The following AIRIM variants were observed in gnomAD, a reference collection of about 807,000 sequenced individuals.
AIRIM encodes the protein AFG2-interacting ribosome maturation factor.
chr1:37,682,925 C>A, the AIRIM span: 2 of 600,418 alleles, frequency 3.3e-6, no homozygotes, highest in East Asian at 2.9e-5. Flanking sequence ...CACATACTCT[C>A]AGCCACGGCC....
the AIRIM span, chr1:37,691,012 G>A: frequency 1.3e-5 from 2 of 152,284 alleles, no homozygotes; most frequent in Non-Finnish European, 2.9e-5. Flanking sequence ...CCTGCAGGGG[G>A]AAAGCCTACA....
At chr1:37,687,905 G>A in the AIRIM span, among the ~76,000 whole-genome samples, 4 of 151,698 alleles carry the variant, frequency 2.6e-5, no homozygotes, top group African/African-American at 9.7e-5. Context: ...TCCTTTTCAT[G>A]GAGAATGGGA....
At chr1:37,686,178 G>C in the AIRIM span, 496 of 1,213,458 alleles carry the variant, frequency 4.1e-4, 2 homozygotes, top group East Asian at 0.012. Context: ...AAAGAGAACT[G>C]ACTCAAACTA....
the AIRIM span, chr1:37,691,360 T>C: frequency 2.0e-5 from 3 of 152,246 alleles, no homozygotes; most frequent in Non-Finnish European, 2.9e-5. Flanking sequence ...ATCACTCCCA[T>C]AGCCTATAAC....
the AIRIM span, chr1:37,686,572 T>C: frequency 1.0e-6 from 1 of 992,480 alleles, no homozygotes; most frequent in African/African-American, 1.6e-5. Context: ...GGCTGCCCTG[T>C]ACATTGTAGG....
the AIRIM span, chr1:37,682,900 G>A: frequency 7.2e-6 from 4 of 551,858 alleles, no homozygotes; most frequent in Non-Finnish European, 6.5e-6. Context: ...CCTCAGAAAA[G>A]GGCAAGGCAT....
At chr1:37,690,379 C>T in the AIRIM span, 1 of 1,289,848 alleles carries the variant, frequency 7.8e-7, no homozygotes, top group African/African-American at 1.5e-5. Context: ...GGCGTCCAAG[C>T]GCCGTCTCTT....
At chr1:37,683,193 C>T in the AIRIM span, 4 of 1,604,452 alleles carry the variant, frequency 2.5e-6, no homozygotes, top group East Asian at 6.7e-5. Context: ...ATGGCATTAT[C>T]ACCTCTCCCG....
the AIRIM span, among the ~76,000 whole-genome samples, chr1:37,687,055 C>G: frequency 6.8e-6 from 1 of 146,224 alleles, no homozygotes; most frequent in East Asian, 2.1e-4. Flanking sequence ...GACTCCGTCT[C>G]AAAAGTGTGT....
chr1:37,682,010 G>A, the AIRIM span: 1 of 152,166 alleles, frequency 6.6e-6, no homozygotes, highest in South Asian at 2.1e-4. Flanking sequence ...AGGATCCCTT[G>A]AGCTCAGGAG....
At chr1:37,683,228 A>T in the AIRIM span, 1 of 1,609,182 alleles carries the variant, frequency 6.2e-7, no homozygotes, top group South Asian at 1.1e-5. Context: ...ACAGAGGCAC[A>T]GCAAGGGCAC....
At chr1:37,690,436 T>C in the AIRIM span, 41 of 1,264,112 alleles carry the variant, frequency 3.2e-5, 1 homozygote, top group Non-Finnish European at 3.6e-5. Context: ...GCCGGTCGCC[T>C]TCCTGAAAAA....
At chr1:37,685,607 C>T in the AIRIM span, among the ~76,000 whole-genome samples, 2 of 151,824 alleles carry the variant, frequency 1.3e-5, no homozygotes, top group African/African-American at 4.8e-5. Flanking sequence ...AGGCTGGTCT[C>T]AAACTCTCGG....
chr1:37,687,689 C>T, the AIRIM span, among the ~76,000 whole-genome samples: 1 of 152,056 alleles, frequency 6.6e-6, no homozygotes, highest in East Asian at 1.9e-4. Flanking sequence ...TATGATCATA[C>T]CGCTGCACTT....
the AIRIM span, chr1:37,683,663 G>T: frequency 2.2e-6 from 1 of 460,188 alleles, no homozygotes; most frequent in Non-Finnish European, 3.9e-6. Flanking sequence ...TGAAATCTGG[G>T]ATCTCAGCAT....
the AIRIM span, chr1:37,692,045 A>G: frequency 0.49 from 74,877 of 153,636 alleles, 18,536 homozygotes; most frequent in East Asian, 0.71. Context: ...GTTCGGCCTG[A>G]GGAGCTTGGG....
At chr1:37,690,102 C>A in the AIRIM span, 2 of 1,325,670 alleles carry the variant, frequency 1.5e-6, no homozygotes, top group Non-Finnish European at 2.0e-6. Context: ...CTGCAACCTC[C>A]GCATCCCGGG....
the AIRIM span, chr1:37,690,109 C>T: frequency 3.1e-6 from 4 of 1,295,910 alleles, no homozygotes; most frequent in Admixed American, 2.9e-5. Flanking sequence ...CTCCGCATCC[C>T]GGGTTCAAGC....
At chr1:37,686,407 C>T in the AIRIM span, 1 of 1,614,118 alleles carries the variant, frequency 6.2e-7, no homozygotes, top group Non-Finnish European at 8.5e-7. Flanking sequence ...GAAACACTCG[C>T]TCCACATGGC....
Sources: gnomAD v4.1 joint callset for allele counts (sites outside exome capture counted in the v4.1 genomes callset) on GRCh38, gnomAD v4.1.1 for gene constraint, MANE v1.5 for transcripts, NCBI Gene and HGNC (gene_info 2026-07-23, HGNC 2026-07-21) for gene names.